Variants in PFKFB3 observed in about 807,000 individuals in gnomAD.
The protein encoded by PFKFB3 is 6-phosphofructo-2-kinase/fructose-2,6-biphosphatase 3.
Under a neutral mutation model 68.0 loss-of-function variants are expected in PFKFB3, and 33 were observed. That is an observed-to-expected ratio of 0.49 (90% confidence interval 0.37 to 0.65). The LOEUF (loss-of-function observed/expected upper bound fraction) is 0.65. PFKFB3 is among the 30% of genes least tolerant of loss of function. The pLI, the probability that PFKFB3 is intolerant of heterozygous loss-of-function variation, is 0.00. For missense variants in PFKFB3, 586 were observed against 712.2 expected (o/e 0.82, Z 2.02); for synonymous variants, 315 against 288.2 (o/e 1.09, Z -0.94).
the PFKFB3 span, among the ~76,000 whole-genome samples, chr10:6,321,667 T>A: frequency 6.6e-6 from 1 of 152,202 alleles, no homozygotes; most frequent in African/African-American, 2.4e-5. Context: ...CAAAAATCAC[T>A]CACTCACCCA....
chr10:6,273,765 A>G, the PFKFB3 span, among the ~76,000 whole-genome samples: 6,733 of 152,206 alleles, frequency 0.044, 284 homozygotes, highest in South Asian at 0.18. Flanking sequence ...GCACATGCAG[A>G]GAGAAGGTGA....
At chr10:6,160,828 A>G (rs966769901) in intron 1 of PFKFB3, among the ~76,000 whole-genome samples, 4 of 152,054 alleles carry the variant, frequency 2.6e-5, no homozygotes, top group Admixed American at 6.6e-5. Context: ...AAAATTTTCT[A>G]AATTTGAAAT....
intron 1 of PFKFB3, among the ~76,000 whole-genome samples, chr10:6,208,528 C>T (rs906284396): frequency 2.0e-5 from 3 of 151,990 alleles, no homozygotes; most frequent in South Asian, 2.1e-4. Context: ...ATCTCAGTAG[C>T]GAGTTACGCC....
chr10:6,231,721 C>A, intron 14 of PFKFB3: 3 of 367,246 alleles, frequency 8.2e-6, no homozygotes, highest in Non-Finnish European at 1.1e-5. Flanking sequence ...GAGAATTGCC[C>A]CCTCCCAGTG....
At chr10:6,210,049 G>GTGCACC (rs1204853552) in intron 1 of PFKFB3, among the ~76,000 whole-genome samples, 3 of 123,534 alleles carry the variant, frequency 2.4e-5, no homozygotes, top group Non-Finnish European at 2.0e-5. Flanking sequence ...ACCGTGCCCG[G>GTGCACC]CCTAATACTT....
At chr10:6,216,985 C>T in intron 5 of PFKFB3, 150 bp from the exon 6 acceptor site, 2 of 883,338 alleles carry the variant, frequency 2.3e-6, no homozygotes, top group East Asian at 2.4e-5. Context: ...TGGGGCGTTC[C>T]AGAGGCTGCA....
chr10:6,293,496 C>T, the PFKFB3 span, among the ~76,000 whole-genome samples: 1 of 152,136 alleles, frequency 6.6e-6, no homozygotes, highest in Non-Finnish European at 1.5e-5. Flanking sequence ...TAGGTGTGCA[C>T]CACCATGCCT....
the PFKFB3 span, among the ~76,000 whole-genome samples, chr10:6,290,929 A>T: frequency 6.6e-6 from 1 of 151,884 alleles, no homozygotes; most frequent in Non-Finnish European, 1.5e-5. Flanking sequence ...TTCATCCATT[A>T]TTACTTCAAA....
chr10:6,295,034 G>A, the PFKFB3 span, among the ~76,000 whole-genome samples: 1 of 151,708 alleles, frequency 6.6e-6, no homozygotes, highest in Non-Finnish European at 1.5e-5. Flanking sequence ...GATGTATTGG[G>A]TAAAAGGAAA....
chr10:6,154,054 C>T lies in PFKFB3; in HGVS notation c.16+9041C>T, dbSNP rs376733341. On this transcript the variant is annotated intron_variant, in intron 1 of 14. Coordinates refer to the PFKFB3 transcript ENST00000379789. The surrounding 1 kb of genome is among the most constrained non-coding windows in gnomAD (Gnocchi z 4.6). ...CGAGGCAAAGGTCCTGTGGCCAGAG[C>T]GGCTGAGTGCAGGAGGAACCTGCGG... 6.6e-6 allele frequency among the ~76,000 whole-genome samples: 1 copy of T among 152,048 alleles called. No homozygotes were observed. Among genetic ancestry groups the T allele is most frequent in the Non-Finnish European group, 1.5e-5 (1 of 67,998 alleles).
At chr10:6,298,566 A>G in the PFKFB3 span, among the ~76,000 whole-genome samples, 28 of 152,176 alleles carry the variant, frequency 1.8e-4, no homozygotes, top group African/African-American at 5.8e-4. Context: ...GGGTCTTGCT[A>G]TGTTGCCCTG....
chr10:6,187,003 G>A (rs1181404788), intron 1 of PFKFB3, among the ~76,000 whole-genome samples: 2 of 152,036 alleles, frequency 1.3e-5, no homozygotes, highest in African/African-American at 2.4e-5. Flanking sequence ...GTGCCGCCAC[G>A]ACTGAAGCTG....
intron 1 of PFKFB3, among the ~76,000 whole-genome samples, chr10:6,182,457 A>G (rs1046413235): frequency 6.6e-6 from 1 of 152,156 alleles, no homozygotes; most frequent in Non-Finnish European, 1.5e-5. Flanking sequence ...CAGCCTTTCC[A>G]TCCTAGGGCC....
At chr10:6,293,136 T>C in the PFKFB3 span, 1 of 449,424 alleles carries the variant, frequency 2.2e-6, no homozygotes, top group South Asian at 1.8e-5. Context: ...AGGCTTTTCA[T>C]CATGCTTGGT....
chr10:6,163,990 C>T (rs1842049525), intron 1 of PFKFB3: 1 of 152,366 alleles, frequency 6.6e-6, no homozygotes, highest in East Asian at 1.9e-4. Flanking sequence ...AAATAATACC[C>T]GAGAGGAAAT....
chr10:6,160,978 C>A (rs901007551), intron 1 of PFKFB3, among the ~76,000 whole-genome samples: 2 of 151,846 alleles, frequency 1.3e-5, no homozygotes, highest in African/African-American at 4.8e-5. Flanking sequence ...TCTTGAAGCC[C>A]AGGCTGGAGT....
In PFKFB3 at chr10:6,226,113, G is replaced by A. The variant is rs1431696410; in HGVS notation, c.1342-79G>A. ...TTTGCCTCTCTAAAATCCAGGAGCA[G>A]AGAAACTTTTTTGGGGCTAATTTTC... On this transcript the variant is annotated intron_variant, in intron 13 of 14. Transcript: ENST00000379775. The A allele has an allele frequency of 5.3e-6, 7 of 1,317,616 alleles. No homozygotes were observed. The Admixed American group carries it at 1.6e-4, about 30-fold the overall frequency. 81.6% of individuals were successfully genotyped at this position (1,317,616 alleles called of 1,614,324 possible). A position where few individuals can be genotyped will look rare whatever the true frequency, so the allele number is the denominator to read the frequency against.
At position 6,213,575 on chromosome 10, in the gene PFKFB3, T is replaced by A. The variant is rs372054787; in HGVS notation, c.77-48T>A. 99 of 1,584,986 alleles carry A rather than the reference T, an allele frequency of 6.2e-5. 1 individual carries two copies. The highest frequency in any genetic ancestry group is 6.0e-4 in the South Asian group (52 of 87,272). ...TGTTGGGTGTGGCCTCTGCTCCTCT[T>A]CTCCGGTCACTTGGTTGATGACACA... On this transcript the variant is annotated intron_variant, in intron 1 of 14. Transcript: ENST00000379775.
At chr10:6,179,225 G>A (rs1035481720) in intron 1 of PFKFB3, among the ~76,000 whole-genome samples, 2 of 152,252 alleles carry the variant, frequency 1.3e-5, no homozygotes, top group African/African-American at 2.4e-5. Flanking sequence ...CACACAGCGT[G>A]TGAGTCGGGA....
Sources: allele counts gnomAD v4.1 joint callset (sites outside exome capture counted in the v4.1 genomes callset), GRCh38; gene constraint gnomAD v4.1.1; non-coding constraint Gnocchi (gnomAD v3.1); transcripts MANE v1.5; gene names NCBI Gene and HGNC (gene_info 2026-07-23, HGNC 2026-07-21).